The following KLHL20 variants were observed in gnomAD, a reference collection of about 807,000 sequenced individuals.
The protein encoded by KLHL20 is kelch like family member 20.
A neutral mutation model predicts 69.5 loss-of-function variants in KLHL20; 29 were observed. That is an observed-to-expected ratio of 0.42 (90% CI 0.31 to 0.57). KLHL20 has a LOEUF of 0.57. Ranked by LOEUF, KLHL20 falls within the 20% of genes least tolerant of loss-of-function variation. The pLI is 0.18. For missense variants in KLHL20, 419 were observed against 776.0 expected (o/e 0.54, Z 5.47); for synonymous variants, 253 against 265.2 (o/e 0.95, Z 0.45).
intron 8 of KLHL20, 82 bp downstream of exon 8, chr1:173,766,371 G>A (rs199595654): frequency 2.1e-5 from 27 of 1,315,312 alleles, no homozygotes; most frequent in South Asian, 3.3e-5. Flanking sequence ...CAGGTTGGGC[G>A]TGGTGGCTCA....
At chr1:173,728,448 C>T (rs1301248980) in intron 2 of KLHL20, among the ~76,000 whole-genome samples, 2 of 152,220 alleles carry the variant, frequency 1.3e-5, no homozygotes, top group African/African-American at 4.8e-5. Flanking sequence ...ACATTCTTTT[C>T]AGCACCACAC....
In KLHL20 at chr1:173,745,866, T is replaced by C. The variant is rs141204174; in HGVS notation, c.598-5898T>C. On this transcript the variant is annotated intron_variant, in intron 3 of 11. Coordinates refer to ENST00000209884, the MANE Select transcript of KLHL20 (RefSeq NM_014458.4). Reference sequence around the variant, plus strand: ...TGAGGTATAGATATTTTATCATGTTTAGAAAGTATTTGCTTGAACCCAGGA... The same window carrying C: ...TGAGGTATAGATATTTTATCATGTTCAGAAAGTATTTGCTTGAACCCAGGA... Among the ~76,000 whole-genome samples, 22 of 152,260 alleles carry C rather than the reference T, an allele frequency of 1.4e-4. 1 individual carries two copies. The highest frequency in any genetic ancestry group is 5.1e-4 in the African/African-American group (21 of 41,556).
intron 11 of KLHL20, among the ~76,000 whole-genome samples, chr1:173,782,616 C>T (rs1648950226): frequency 1.3e-5 from 2 of 151,798 alleles, no homozygotes; most frequent in Admixed American, 6.6e-5. Flanking sequence ...TTTTGGTGTT[C>T]TTGTGGGAAA....
At chr1:173,777,648 T>G (rs1001806458) in intron 10 of KLHL20, among the ~76,000 whole-genome samples, 11 of 152,242 alleles carry the variant, frequency 7.2e-5, no homozygotes, top group African/African-American at 2.4e-4. Flanking sequence ...CAAATGCTTT[T>G]TCAGCATCAA....
chr1:173,729,068 C>T lies in KLHL20; in HGVS notation c.24-4645C>T, dbSNP rs1672121701. On this transcript the variant is annotated intron_variant, in intron 2 of 11. Transcript: ENST00000209884. ...TATCACCACCGATCCCACAGAAATACAAACTACCATCAGAGAATACTATAA... is the reference window on the plus strand; with the variant it reads ...TATCACCACCGATCCCACAGAAATATAAACTACCATCAGAGAATACTATAA... Among the ~76,000 whole-genome samples the T allele has an allele frequency of 1.3e-5, 2 of 152,158 alleles. 1 individual carries two copies. The highest frequency in any genetic ancestry group is 1.3e-4 in the Admixed American group (2 of 15,272).
At chr1:173,739,528 T>C (rs1672693275) in intron 3 of KLHL20, among the ~76,000 whole-genome samples, 1 of 152,164 alleles carries the variant, frequency 6.6e-6, no homozygotes, top group Non-Finnish European at 1.5e-5. Flanking sequence ...TTAGGAGGGT[T>C]GTATATTTTC....
intron 8 of KLHL20, among the ~76,000 whole-genome samples, chr1:173,773,527 A>G (rs1648245197): frequency 6.6e-6 from 1 of 151,892 alleles, no homozygotes; most frequent in Non-Finnish European, 1.5e-5. Flanking sequence ...TTTGAGTTTT[A>G]TAATAAAAAG....
chr1:173,715,503 C>T (rs181813189), intron 1 of KLHL20: 1 of 152,808 alleles, frequency 6.5e-6, no homozygotes, highest in East Asian at 1.9e-4. Context: ...TGGAGCCATA[C>T]TTTCCCTGCC....
At chr1:173,737,830 T>C (rs1672605763) in intron 3 of KLHL20, among the ~76,000 whole-genome samples, 1 of 152,230 alleles carries the variant, frequency 6.6e-6, no homozygotes, top group Non-Finnish European at 1.5e-5. Context: ...ATATTGATTC[T>C]ACCCATTCAT....
At chr1:173,776,694 G>A (rs372121929) in intron 10 of KLHL20, among the ~76,000 whole-genome samples, 2 of 152,052 alleles carry the variant, frequency 1.3e-5, no homozygotes, top group Non-Finnish European at 2.9e-5. Context: ...CCCAATATAC[G>A]TTCCTAGCAC....
intron 10 of KLHL20, among the ~76,000 whole-genome samples, chr1:173,778,734 A>G (rs778286216): frequency 6.6e-6 from 1 of 152,022 alleles, no homozygotes; most frequent in Non-Finnish European, 1.5e-5. Context: ...TTTCTTCTAG[A>G]TTTTCTAATG....
intron 1 of KLHL20, chr1:173,715,744 A>ACC (rs1671437942): frequency 2.7e-6 from 1 of 365,952 alleles, no homozygotes; most frequent in Non-Finnish European, 4.9e-6. Context: ...CTTTTTGAAG[A>ACC]GAAACAAGAC....
At chr1:173,736,914 A>T (rs893255868) in intron 3 of KLHL20, among the ~76,000 whole-genome samples, 2 of 152,178 alleles carry the variant, frequency 1.3e-5, no homozygotes, top group Admixed American at 6.5e-5. Flanking sequence ...TATTTTTTAA[A>T]TTATGGCCAT....
At chr1:173,747,360 T>C (rs1324079491) in intron 3 of KLHL20, among the ~76,000 whole-genome samples, 3 of 152,058 alleles carry the variant, frequency 2.0e-5, no homozygotes, top group Non-Finnish European at 4.4e-5. Flanking sequence ...CATAACTTTA[T>C]GTCTTGATGA....
chr1:173,764,382 T>A (rs540935080), intron 7 of KLHL20, among the ~76,000 whole-genome samples: 4 of 152,162 alleles, frequency 2.6e-5, no homozygotes, highest in African/African-American at 9.6e-5. Context: ...GGGTATCTAC[T>A]CAGAGGAAAA....
At chr1:173,780,010 CAG>C (rs1648755331) in intron 10 of KLHL20, among the ~76,000 whole-genome samples, 1 of 152,156 alleles carries the variant, frequency 6.6e-6, no homozygotes, top group South Asian at 2.1e-4. Flanking sequence ...CTGATCATGT[CAG>C]GAGTTCATCG....
chr1:173,765,489 C>T (rs1277217061), intron 7 of KLHL20, among the ~76,000 whole-genome samples: 1 of 150,336 alleles, frequency 6.7e-6, no homozygotes, highest in Non-Finnish European at 1.5e-5. Context: ...CGCAACAGAG[C>T]GAGACTCCGT....
chr1:173,719,092 G>A (rs1335249180), intron 2 of KLHL20, among the ~76,000 whole-genome samples: 6 of 71,178 alleles, frequency 8.4e-5, no homozygotes, highest in African/African-American at 2.8e-4. Context: ...GCTAAACAGC[G>A]GGACTCCGTC....
At chr1:173,726,229 A>G (rs1444543890) in intron 2 of KLHL20, among the ~76,000 whole-genome samples, 2 of 152,010 alleles carry the variant, frequency 1.3e-5, no homozygotes, top group Admixed American at 1.3e-4. Context: ...AGGCTTGAGT[A>G]GGTAAATAAA....
Sources: gnomAD v4.1 joint callset for allele counts (sites outside exome capture counted in the v4.1 genomes callset) on GRCh38, gnomAD v4.1.1 for gene constraint, MANE v1.5 for transcripts, NCBI Gene and HGNC (gene_info 2026-07-23, HGNC 2026-07-21) for gene names.